Variants in PCTP observed in about 807,000 individuals in gnomAD.
PCTP encodes phosphatidylcholine transfer protein, also known as START domain-containing protein 2.
Under a neutral mutation model 31.0 loss-of-function variants are expected in PCTP, and 27 were observed. The ratio of observed to expected loss-of-function variants is 0.87; its 90% CI spans 0.64 to 1.20. The LOEUF (loss-of-function observed/expected upper bound fraction) is 1.20. Ranked by LOEUF, PCTP falls within the 50% of genes most tolerant of loss-of-function variation. PCTP has a pLI of 0.00. For synonymous variants in PCTP, 108 were observed against 101.2 expected, an observed-to-expected ratio of 1.07 and a Z score of -0.40; for missense variants, 287 against 268.2, an observed-to-expected ratio of 1.07 and a Z score of -0.49.
Position 55,797,758 on chromosome 17 carries a change from A to C in PCTP, c.317+10104A>C, listed in dbSNP as rs542992820. On this transcript the variant is annotated intron_variant, in intron 3 of 3. Transcript: ENST00000572536. ...TAACTGCCTGAGAGAAACAAAACTG[A>C]GTCCTCTCTGGAGGAAGAAAATGTT... Among the ~76,000 whole-genome samples the C allele has an allele frequency of 9.9e-5, 15 of 152,160 alleles. No individual in the cohort carries two copies. The East Asian group carries it at 2.9e-3, about 29-fold the overall frequency.
chr17:55,784,438 T>A (rs1911677291), intron 2 of PCTP, among the ~76,000 whole-genome samples: 1 of 152,098 alleles, frequency 6.6e-6, no homozygotes, highest in Non-Finnish European at 1.5e-5. Flanking sequence ...CTCAACCAAT[T>A]GCAGTGTAAT....
chr17:55,824,669 G>A (rs1905336856), downstream of PCTP, among the ~76,000 whole-genome samples: 1 of 152,170 alleles, frequency 6.6e-6, no homozygotes, highest in East Asian at 1.9e-4. Context: ...AAGTGGACCT[G>A]GGTTTCATAT....
chr17:55,802,449 A>T (rs1035193887), intron 3 of PCTP, among the ~76,000 whole-genome samples: 1 of 152,236 alleles, frequency 6.6e-6, no homozygotes, highest in Non-Finnish European at 1.5e-5. Context: ...ATCTCTAATG[A>T]ACATAGATGT....
At chr17:55,836,269 A>T (rs1025838417) in intron 5 of PCTP, among the ~76,000 whole-genome samples, 5 of 152,240 alleles carry the variant, frequency 3.3e-5, no homozygotes, top group Non-Finnish European at 7.3e-5. Flanking sequence ...ATAGAATTTG[A>T]TAAACTACAT....
Position 55,772,669 on chromosome 17 carries a change from T to TTTTGATTA in PCTP, c.340-1051_340-1044dup, listed in dbSNP as rs569407231. Reference sequence around the variant, plus strand: ...TGTAATTGTGTTGTGCGTAGTGACTTTTTGATTATTTTAGGTTTTTGATTC... The same window carrying TTTTGATTA: ...TGTAATTGTGTTGTGCGTAGTGACTTTTTGATTATTTGATTATTTTAGGTTTTTGATTC... On this transcript the variant is annotated intron_variant, in intron 3 of 5. Transcript: ENST00000268896. Among the ~76,000 whole-genome samples the TTTTGATTA allele has an allele frequency of 7.7e-3, 1,179 of 152,222 alleles. 27 individuals carry two copies. Among genetic ancestry groups the TTTTGATTA allele is most frequent in the African/African-American group, 0.027 (1,113 of 41,512 alleles).
chr17:55,824,251 G>A (rs1047288663), downstream of PCTP, among the ~76,000 whole-genome samples: 1 of 152,046 alleles, frequency 6.6e-6, no homozygotes, highest in Non-Finnish European at 1.5e-5. Flanking sequence ...ACCTCCGAGA[G>A]TGTACCCACC....
Position 55,776,213 on chromosome 17 carries a change from C to A in PCTP, c.*113C>A. ...CCACCTGGAAGTGTCTCTGGAAGAG[C>A]ACCCACCACTGTTCAGCCTTCCCCT... On this transcript the variant is annotated 3_prime_UTR_variant, in exon 6 of 6. Transcript: ENST00000268896. 1 of 1,506,728 alleles carries A rather than the reference C, an allele frequency of 6.6e-7. No individual in the cohort carries two copies. The allele number at this position is 1,506,728 out of a possible 1,614,324, so 93.3% of individuals were successfully genotyped here. A position where few individuals can be genotyped will look rare whatever the true frequency, so the allele number is the denominator to read the frequency against.
chr17:55,813,422 C>A (rs138738382), intron 3 of PCTP, among the ~76,000 whole-genome samples: 8 of 152,176 alleles, frequency 5.3e-5, no homozygotes, highest in African/African-American at 1.2e-4. Flanking sequence ...CAGGTGTGCA[C>A]CAACATTTTT....
intron 5 of PCTP, among the ~76,000 whole-genome samples, chr17:55,834,579 C>T (rs528882881): frequency 9.9e-5 from 15 of 152,274 alleles, no homozygotes; most frequent in African/African-American, 3.4e-4. Context: ...ACCTGCGGTC[C>T]ATCGCTTGTG....
At chr17:55,779,969 A>G (rs1597993055), downstream of PCTP, among the ~76,000 whole-genome samples, 1 of 152,238 alleles carries the variant, frequency 6.6e-6, no homozygotes, top group Non-Finnish European at 1.5e-5. Flanking sequence ...GCAGCCCATC[A>G]GAGCAGAGCC....
chr17:55,805,377 G>A (rs1912541450), intron 3 of PCTP, among the ~76,000 whole-genome samples: 1 of 151,772 alleles, frequency 6.6e-6, no homozygotes, highest in African/African-American at 2.4e-5. Flanking sequence ...CCCCCATTTT[G>A]TAGTCCCCAG....
intron 1 of PCTP, among the ~76,000 whole-genome samples, chr17:55,755,003 G>T (rs901223614): frequency 2.0e-5 from 3 of 151,942 alleles, no homozygotes; most frequent in Non-Finnish European, 4.4e-5. Context: ...TATACATTTT[G>T]TATATATAGC....
chr17:55,781,574 A>G (rs1258874083), downstream of PCTP, among the ~76,000 whole-genome samples: 1 of 152,230 alleles, frequency 6.6e-6, no homozygotes, highest in East Asian at 1.9e-4. Context: ...AGTCAACAAC[A>G]GACTGCATTC....
At position 55,754,200 on chromosome 17, in the gene PCTP, A is replaced by G. The variant is rs977014185; in HGVS notation, c.141+2956A>G. ...CGTAGGTTGAGGTCCCAGTCCCACA[A>G]GATTAACCCCCTCTTCCCTGCCACT... On this transcript the variant is annotated intron_variant, in intron 1 of 5. Transcript: ENST00000268896. Among the ~76,000 whole-genome samples, 3 of 152,282 alleles carry G rather than the reference A, an allele frequency of 2.0e-5. No homozygotes were observed. The East Asian group carries it at 5.8e-4, about 29-fold the overall frequency.
chr17:55,825,096 G>T (rs1905354460), downstream of PCTP, among the ~76,000 whole-genome samples: 1 of 151,966 alleles, frequency 6.6e-6, no homozygotes, highest in Non-Finnish European at 1.5e-5. Flanking sequence ...TCTTGTTTAA[G>T]AAAAAAAGTA....
rs564598377 is a variant in PCTP at position 55,800,082 on chromosome 17, C to T, written c.317+12428C>T. 6.6e-5 allele frequency among the ~76,000 whole-genome samples: 10 copies of T among 151,998 alleles called. No individual in the cohort carries two copies. In the South Asian group the frequency reaches 1.2e-3, roughly 19 times the overall value. ...TTGCTTTTCTCGAGGAGTATCTTTG[C>T]GGTGTTCTCTGTATTTCCTGAATTT... On this transcript the variant is annotated intron_variant, in intron 3 of 3. Coordinates refer to the PCTP transcript ENST00000572536.
intron 5 of PCTP, among the ~76,000 whole-genome samples, chr17:55,840,941 G>A (rs1456444195): frequency 6.6e-6 from 1 of 152,122 alleles, no homozygotes; most frequent in African/African-American, 2.4e-5. Flanking sequence ...AACACTTCTG[G>A]TCCCAAGAGT....
chr17:55,829,740 A>G (rs1406356828), intron 5 of PCTP, among the ~76,000 whole-genome samples: 1 of 151,988 alleles, frequency 6.6e-6, no homozygotes, highest in Non-Finnish European at 1.5e-5. Flanking sequence ...AGCTTGTAAA[A>G]GAACTTTCTA....
downstream of PCTP, among the ~76,000 whole-genome samples, chr17:55,780,177 A>G (rs1911511651): frequency 6.6e-6 from 1 of 151,570 alleles, no homozygotes; most frequent in Admixed American, 6.6e-5. Context: ...AAATGGGAGG[A>G]CTTCAGAAAA....
Sources: allele counts gnomAD v4.1 joint callset (sites outside exome capture counted in the v4.1 genomes callset), GRCh38; gene constraint gnomAD v4.1.1; transcripts MANE v1.5; gene names NCBI Gene and HGNC (gene_info 2026-07-23, HGNC 2026-07-21).